Variants in ATP2B2 observed in about 807,000 individuals in gnomAD.
ATP2B2 encodes the protein plasma membrane calcium-transporting ATPase 2.
ATP2B2 carries 15 observed loss-of-function variants against 120.0 expected under a neutral mutation model. The observed-to-expected ratio is 0.12, with a 90% CI of 0.08 to 0.19. The LOEUF is 0.19. ATP2B2 is among the 10% of genes least tolerant of loss of function. The probability of loss-of-function intolerance (pLI) is 1.00; values close to 1 mark genes in which losing one functional copy is unlikely to be tolerated. For missense variants in ATP2B2, 1,045 were observed against 1,719.8 expected (o/e 0.61, Z 6.94); for synonymous variants, 694 against 700.3 (o/e 0.99, Z 0.14).
chr3:10,561,476 T>C (rs1160382785), intron 2 of ATP2B2, among the ~76,000 whole-genome samples: 1 of 152,192 alleles, frequency 6.6e-6, no homozygotes, highest in African/African-American at 2.4e-5. Context: ...AGTATTATCA[T>C]TATCCTCATT....
chr3:10,686,047 T>TC (rs1295147189), intron 1 of ATP2B2, among the ~76,000 whole-genome samples: 6 of 145,016 alleles, frequency 4.1e-5, no homozygotes, highest in Non-Finnish European at 9.1e-5. Context: ...TCCTTTCTTT[T>TC]TTTTTTTTTT....
intron 1 of ATP2B2, among the ~76,000 whole-genome samples, chr3:10,651,744 A>AATGGATGGATGG (rs36070242): frequency 1.6e-3 from 244 of 150,684 alleles, no homozygotes; most frequent in East Asian, 3.5e-3. Flanking sequence ...TGCATGTATG[A>AATGGATGGATGG]ATGGATGGAT....
At chr3:10,474,754 A>T (rs2065142358) in intron 1 of ATP2B2, among the ~76,000 whole-genome samples, 1 of 152,218 alleles carries the variant, frequency 6.6e-6, no homozygotes, top group African/African-American at 2.4e-5. Flanking sequence ...CCTGCCATAA[A>T]TGCCCTCCCA....
At chr3:10,351,918 C>T (rs528023190) in intron 14 of ATP2B2, among the ~76,000 whole-genome samples, 1 of 152,356 alleles carries the variant, frequency 6.6e-6, no homozygotes, top group African/African-American at 2.4e-5. Flanking sequence ...GCCCTGCTGA[C>T]ACCTTGGTCT....
rs117289826 is a variant in ATP2B2, at chr3:10,478,252, C to T, written c.-320+27213G>A. 8.5e-4 allele frequency among the ~76,000 whole-genome samples: 130 copies of T among 152,184 alleles called. No individual in the cohort carries two copies. The East Asian group carries it at 0.022, about 26-fold the overall frequency. On this transcript the variant is annotated intron_variant, in intron 1 of 22. Coordinates refer to ENST00000360273, the MANE Select transcript of ATP2B2 (RefSeq NM_001001331.4). Reference sequence around the variant, plus strand: ...TTTGTTGTTGAGTTGTAGGAGTTCTCGACATATTCTGGATATTAATCTTTA... The same window carrying T: ...TTTGTTGTTGAGTTGTAGGAGTTCTTGACATATTCTGGATATTAATCTTTA...
chr3:10,683,881 C>T (rs187578603), intron 1 of ATP2B2, among the ~76,000 whole-genome samples: 16 of 149,120 alleles, frequency 1.1e-4, no homozygotes, highest in Non-Finnish European at 2.2e-4. Flanking sequence ...ACGGCATCCT[C>T]GAACTCCTGG....
rs189311244 is a variant in ATP2B2 at position 10,326,573 on chromosome 3, C to T, written c.*2241G>A. The T allele has an allele frequency of 2.4e-3, 959 of 397,748 alleles. 5 individuals are homozygous for T. Among genetic ancestry groups the T allele is most frequent in the African/African-American group, 0.016 (773 of 48,742 alleles). 24.6% of individuals were successfully genotyped at this position (397,748 alleles called of 1,614,324 possible). On this transcript the variant is annotated 3_prime_UTR_variant, in exon 23 of 23. Coordinates refer to ENST00000360273, the MANE Select transcript of ATP2B2 (RefSeq NM_001001331.4). Reference sequence around the variant, plus strand: ...TTCCAAGGCTGCCCCATGTTTTACACGTGCAGATCTTTCCTTCCTTGTAGG... The same window carrying T: ...TTCCAAGGCTGCCCCATGTTTTACATGTGCAGATCTTTCCTTCCTTGTAGG...
In ATP2B2 at chr3:10,343,499, A is replaced by AC. The variant is rs2060343298; in HGVS notation, c.2704-535_2704-534insG. Among the ~76,000 whole-genome samples, 1 of 152,000 alleles carries AC rather than the reference A, an allele frequency of 6.6e-6. No homozygotes were observed. The highest frequency in any genetic ancestry group is 2.1e-4 in the South Asian group (1 of 4,808). On this transcript the variant is annotated intron_variant, in intron 18 of 22. Coordinates refer to ENST00000360273, the MANE Select transcript of ATP2B2 (RefSeq NM_001001331.4). The surrounding 1 kb of genome is among the most constrained non-coding windows in gnomAD (Gnocchi z 4.2). The stretch of plus-strand genomic sequence containing the variant: ...ATTAATACATTTCAAGGTAGGAAAT[A>AC]TGGCAAATGAGGAATAGCAAAAGCA...
Position 10,340,615 on chromosome 3 carries a change from C to T in ATP2B2, c.3007G>A (p.Val1003Ile), listed in dbSNP as rs765963921. The change falls in exon 20 of 23, where the codon GTC becomes ATC. Residue 1003 changes from valine to isoleucine, a missense_variant. Physicochemically the swap from Val to Ile is conservative, Grantham distance 29 (BLOSUM62 3). Transcript: ENST00000360273. The surrounding 1 kb of genome is among the most constrained non-coding windows in gnomAD (Gnocchi z 5.0). ...ATCTCGTTGAAGAGCTGCATCATGA[C>T]GAAGGTGTTGAAGATGATGGTGTAA... ...EHYTIIFNTFVMMQLFNEINA... is the reference protein window; with the variant it reads ...EHYTIIFNTFIMMQLFNEINA... 1 of 1,614,186 alleles carries T rather than the reference C, an allele frequency of 6.2e-7. No homozygotes were observed. Among genetic ancestry groups the T allele is most frequent in the Non-Finnish European group, 8.5e-7 (1 of 1,180,040 alleles).
intron 1 of ATP2B2, among the ~76,000 whole-genome samples, chr3:10,703,992 T>C (rs1041141953): frequency 1.3e-5 from 2 of 152,150 alleles, no homozygotes; most frequent in Admixed American, 1.3e-4. Flanking sequence ...CCGAGCCTGC[T>C]TACCCTGCCT....
chr3:10,698,040 CT>C, intron 1 of ATP2B2, among the ~76,000 whole-genome samples: 1 of 152,304 alleles, frequency 6.6e-6, no homozygotes, highest in Admixed American at 6.5e-5. Context: ...CTCCTACTTC[CT>C]GGCTGGCAGA....
chr3:10,370,006 G>C lies in ATP2B2; in HGVS notation c.1659+1803C>G, dbSNP rs542596380. 7.9e-5 allele frequency among the ~76,000 whole-genome samples: 12 copies of C among 152,244 alleles called. No homozygotes were observed. The East Asian group carries it at 2.3e-3, about 29-fold the overall frequency. On this transcript the variant is annotated intron_variant, in intron 12 of 22. Coordinates refer to ENST00000360273, the MANE Select transcript of ATP2B2 (RefSeq NM_001001331.4). ...CTGGTGTCTGAGAGGTAAGGGATCT[G>C]GCCTGGGTTACAAACCAAGGACCCC...
intron 4 of ATP2B2, 30 bp from the exon 5 acceptor site, chr3:10,401,108 A>G: frequency 6.2e-7 from 1 of 1,612,694 alleles, no homozygotes; most frequent in Non-Finnish European, 8.5e-7. Context: ...GGGAGTCAGC[A>G]GGCTCTCAGG....
At chr3:10,624,479 T>C (rs1206917611) in intron 1 of ATP2B2, among the ~76,000 whole-genome samples, 4 of 152,180 alleles carry the variant, frequency 2.6e-5, no homozygotes, top group African/African-American at 9.7e-5. Context: ...GGAGGGATTG[T>C]GCCTGGACAC....
At chr3:10,504,226 C>T (rs146398477) in intron 1 of ATP2B2, among the ~76,000 whole-genome samples, 1 of 151,702 alleles carries the variant, frequency 6.6e-6, no homozygotes, top group Admixed American at 6.6e-5. Context: ...GCTCCTTCAA[C>T]GAAGTTAACA....
At chr3:10,528,047 T>C (rs2067135822) in intron 3 of ATP2B2, among the ~76,000 whole-genome samples, 1 of 152,174 alleles carries the variant, frequency 6.6e-6, no homozygotes, top group Admixed American at 6.5e-5. Context: ...CAGTGGTCTC[T>C]GTCAAAAGCA....
At chr3:10,491,527 G>C (rs575503201) in intron 1 of ATP2B2, among the ~76,000 whole-genome samples, 2 of 152,216 alleles carry the variant, frequency 1.3e-5, no homozygotes, top group South Asian at 4.2e-4. Flanking sequence ...CGCCTGGCCT[G>C]GCTCTTTCAC....
At chr3:10,486,493 G>T (rs1559399275) in intron 1 of ATP2B2, among the ~76,000 whole-genome samples, 1 of 151,950 alleles carries the variant, frequency 6.6e-6, no homozygotes, top group African/African-American at 2.4e-5. Context: ...CACACATTTT[G>T]CTGCAGTCAC....
At chr3:10,701,742 C>T (rs1206631872) in intron 1 of ATP2B2, among the ~76,000 whole-genome samples, 1 of 151,972 alleles carries the variant, frequency 6.6e-6, no homozygotes, top group Non-Finnish European at 1.5e-5. Flanking sequence ...CTCCGTATGC[C>T]CCTGCGAAAT....
Sources: gnomAD v4.1 joint callset for allele counts (sites outside exome capture counted in the v4.1 genomes callset) on GRCh38, gnomAD v4.1.1 for gene constraint, Gnocchi (gnomAD v3.1) non-coding constraint, MANE v1.5 for transcripts, NCBI Gene and HGNC (gene_info 2026-07-23, HGNC 2026-07-21) for gene names.